Variants in ATRX observed in about 807,000 individuals in gnomAD.
The protein encoded by ATRX is ATRX chromatin remodeler.
In ATRX, 12 loss-of-function variants were observed where a neutral mutation model predicts 172.6. The ratio of observed to expected loss-of-function variants is 0.07; its 90% CI spans 0.04 to 0.11. The LOEUF (loss-of-function observed/expected upper bound fraction) is 0.11. Ranked by LOEUF, ATRX falls within the 10% of genes least tolerant of loss-of-function variation. The pLI, the probability that ATRX is intolerant of heterozygous loss-of-function variation, is 1.00. For missense variants in ATRX, 1,368 were observed against 1,767.4 expected, an observed-to-expected ratio of 0.77 and a Z score of 4.05; for synonymous variants, 674 against 594.7, an observed-to-expected ratio of 1.13 and a Z score of -1.94.
chrX:77,619,989 T>C (rs1037357282), intron 20 of ATRX, among the ~76,000 whole-genome samples: 27 of 111,716 alleles, frequency 2.4e-4, no homozygotes, highest in Admixed American at 2.1e-3. Context: ...CCTTCTCCCA[T>C]CTCCACTTTA....
intron 28 of ATRX, among the ~76,000 whole-genome samples, chrX:77,571,334 T>C (rs1287912282): frequency 8.9e-6 from 1 of 111,826 alleles, no homozygotes; most frequent in Admixed American, 9.5e-5. Flanking sequence ...TGATTAAACA[T>C]CTGTGGTACA....
At chrX:77,677,364 T>C (rs1337028066) in intron 9 of ATRX, among the ~76,000 whole-genome samples, 1 of 111,438 alleles carries the variant, frequency 9.0e-6, no homozygotes, top group East Asian at 2.8e-4. Context: ...ATAGCAAAAT[T>C]ACAGTGATAA....
intron 22 of ATRX, among the ~76,000 whole-genome samples, chrX:77,603,524 C>A (rs1029014248): frequency 1.1e-5 from 1 of 89,470 alleles, no homozygotes; most frequent in Non-Finnish European, 2.3e-5. Context: ...TGCCACCATG[C>A]TCGGCTAATT....
At chrX:77,517,104 C>T (rs2063077764) in intron 34 of ATRX, among the ~76,000 whole-genome samples, 1 of 109,563 alleles carries the variant, frequency 9.1e-6, no homozygotes, top group Admixed American at 9.7e-5. Flanking sequence ...AAGTTTACAG[C>T]TCTAAGTGCG....
intron 30 of ATRX, among the ~76,000 whole-genome samples, chrX:77,538,400 A>G (rs2063836435): frequency 9.0e-6 from 1 of 111,225 alleles, no homozygotes; most frequent in Non-Finnish European, 1.9e-5. Context: ...TCTCACTTAT[A>G]AGTGGGGGCT....
chrX:77,730,572 T>C (rs782030936), intron 1 of ATRX, among the ~76,000 whole-genome samples: 15 of 112,201 alleles, frequency 1.3e-4, no homozygotes, highest in African/African-American at 4.9e-4. Flanking sequence ...TTCTCAAGGA[T>C]AGAACATATG....
intron 22 of ATRX, among the ~76,000 whole-genome samples, chrX:77,611,221 GA>G (rs1433225053): frequency 9.0e-6 from 1 of 111,113 alleles, no homozygotes; most frequent in Non-Finnish European, 1.9e-5. Context: ...AACAAACCCT[GA>G]GATTAACATC....
intron 9 of ATRX, among the ~76,000 whole-genome samples, chrX:77,679,515 A>T (rs1297500137): frequency 1.8e-5 from 2 of 112,060 alleles, no homozygotes; most frequent in African/African-American, 6.5e-5. Flanking sequence ...TATTTGCCAT[A>T]TATCACCATC....
intron 19 of ATRX, among the ~76,000 whole-genome samples, chrX:77,624,748 CACAA>C (rs2067753408): frequency 8.9e-6 from 1 of 112,065 alleles, no homozygotes; most frequent in Non-Finnish European, 1.9e-5. Flanking sequence ...TCATAGGCGA[CACAA>C]ACAAATGGAA....
At chrX:77,636,136 C>T in intron 15 of ATRX, 80 bp from the exon 16 acceptor site, 4 of 1,000,833 alleles carry the variant, frequency 4.0e-6, no homozygotes, top group Non-Finnish European at 5.6e-6. Context: ...GGAGATTTTC[C>T]AAAATATAGA....
Position 77,682,328 on chromosome X carries a change from T to C in ATRX, c.2928A>G (p.Glu976=), listed in dbSNP as rs782213060. The change falls in exon 9 of 35, where the codon GAA becomes GAG. Residue 976 remains glutamate (E), a synonymous_variant. Coordinates refer to ENST00000373344, the MANE Select transcript of ATRX (RefSeq NM_000489.6). ...TCTGCTTTTTATCATCTTCAGAAGT[T>C]TCATCGCTCTGGTCTTTCTTTAGGA... is the stretch of plus-strand genomic sequence containing the variant. ...EKFLKKDQSD[E]TSEDDKKQSK... The C allele has an allele frequency of 3.3e-6, 4 of 1,207,146 alleles. No homozygotes were observed. Among genetic ancestry groups the C allele is most frequent in the Non-Finnish European group, 4.5e-6 (4 of 894,017 alleles).
intron 1 of ATRX, among the ~76,000 whole-genome samples, chrX:77,754,982 G>A (rs1198194066): frequency 8.9e-6 from 1 of 111,898 alleles, no homozygotes; most frequent in Non-Finnish European, 1.9e-5. Context: ...ATCAATCATA[G>A]GTTTGGTCTT....
intron 34 of ATRX, among the ~76,000 whole-genome samples, chrX:77,511,000 A>G (rs2062850728): frequency 8.9e-6 from 1 of 112,796 alleles, no homozygotes; most frequent in African/African-American, 3.2e-5. Flanking sequence ...ATTGCTATGC[A>G]GGCTTCAGGT....
chrX:77,778,840 G>A (rs1349549636), intron 1 of ATRX, among the ~76,000 whole-genome samples: 1 of 111,581 alleles, frequency 9.0e-6, no homozygotes, highest in Non-Finnish European at 1.9e-5. Context: ...CTTTGCTCAA[G>A]CTGCTACTCC....
At chrX:77,582,180 A>G (rs1432599080) in intron 27 of ATRX, among the ~76,000 whole-genome samples, 1 of 110,960 alleles carries the variant, frequency 9.0e-6, no homozygotes, top group Non-Finnish European at 1.9e-5. Flanking sequence ...CGGGTGGATC[A>G]CCTGAGGTCA....
At chrX:77,616,019 C>G (rs2067343369) in intron 22 of ATRX, 2 of 753,766 alleles carry the variant, frequency 2.7e-6, no homozygotes, top group Non-Finnish European at 3.1e-6. Flanking sequence ...CACAGACACA[C>G]ACACACACAC....
At chrX:77,509,506 T>C (rs2062794834) in intron 34 of ATRX, among the ~76,000 whole-genome samples, 1 of 111,909 alleles carries the variant, frequency 8.9e-6, no homozygotes, top group South Asian at 3.7e-4. Context: ...TTTAACTTCA[T>C]ATCACTGAAA....
chrX:77,531,820 T>C (rs1296826480), intron 30 of ATRX, among the ~76,000 whole-genome samples: 1 of 111,443 alleles, frequency 9.0e-6, no homozygotes, highest in African/African-American at 3.3e-5. Context: ...TATATTCAAA[T>C]AGGAAGAGAG....
chrX:77,587,777 T>G (rs782196809), intron 27 of ATRX, among the ~76,000 whole-genome samples: 1 of 112,427 alleles, frequency 8.9e-6, no homozygotes, highest in Non-Finnish European at 1.9e-5. Context: ...AACAAAAGTG[T>G]AAAATGTATA....
Sources: allele counts gnomAD v4.1 joint callset (sites outside exome capture counted in the v4.1 genomes callset), GRCh38; gene constraint gnomAD v4.1.1; transcripts MANE v1.5; gene names NCBI Gene and HGNC (gene_info 2026-07-23, HGNC 2026-07-21).